The following SYBU variants were observed in gnomAD, a reference collection of about 807,000 sequenced individuals.
The protein encoded by SYBU is GOLSYN A protein.
In SYBU, 21 loss-of-function variants were observed where a neutral mutation model predicts 35.9. The ratio of observed to expected loss-of-function variants is 0.58; its 90% CI spans 0.41 to 0.84. SYBU has a LOEUF of 0.84. Ranked by LOEUF, SYBU falls within the 40% of genes least tolerant of loss-of-function variation. The pLI, the probability that SYBU is intolerant of heterozygous loss-of-function variation, is 0.00. For missense variants in SYBU, 768 were observed against 848.2 expected (o/e 0.91, Z 1.17); for synonymous variants, 319 against 324.3 (o/e 0.98, Z 0.18).
chr8:109,582,226 A>G (rs1823115426), intron 4 of SYBU, among the ~76,000 whole-genome samples: 1 of 152,222 alleles, frequency 6.6e-6, no homozygotes, highest in African/African-American at 2.4e-5. Context: ...CTTTCTGAAT[A>G]TTGATCAGGA....
At chr8:109,640,405 C>T (rs1244842861) in intron 2 of SYBU, among the ~76,000 whole-genome samples, 1 of 152,014 alleles carries the variant, frequency 6.6e-6, no homozygotes, top group African/African-American at 2.4e-5. Context: ...TAACACTACT[C>T]ACCCTGAAAT....
chr8:109,632,240 C>G lies in SYBU; in HGVS notation c.229+10488G>C, dbSNP rs188194462. ...AATTTTAGTAAAGTCGGGGTTTTGT[C>G]CTGTTGGCCAGGCTGGTCTCGAACT... On this transcript the variant is annotated intron_variant, in intron 2 of 6. Transcript: ENST00000276646. Among the ~76,000 whole-genome samples, 171 of 152,244 alleles carry G rather than the reference C, an allele frequency of 1.1e-3. 2 individuals are homozygous for G. In the East Asian group the frequency reaches 0.03, roughly 27 times the overall value.
intron 2 of SYBU, among the ~76,000 whole-genome samples, chr8:109,624,551 G>A (rs1463439171): frequency 6.6e-6 from 1 of 152,202 alleles, no homozygotes; most frequent in Non-Finnish European, 1.5e-5. Context: ...AGAGTTTACA[G>A]TGGAGGGATC....
chr8:109,655,161 G>A (rs1816303709), intron 1 of SYBU, among the ~76,000 whole-genome samples: 1 of 152,140 alleles, frequency 6.6e-6, no homozygotes, highest in African/African-American at 2.4e-5. Context: ...GTTCACAAAT[G>A]TTCCCTCTAC....
At chr8:109,582,188 T>C (rs1554610393) in intron 4 of SYBU, among the ~76,000 whole-genome samples, 2 of 152,228 alleles carry the variant, frequency 1.3e-5, no homozygotes. Flanking sequence ...ACTGAGGACC[T>C]TCTGTGACCC....
At chr8:109,653,234 G>A (rs1816221356) in intron 1 of SYBU, among the ~76,000 whole-genome samples, 1 of 146,622 alleles carries the variant, frequency 6.8e-6, no homozygotes, top group South Asian at 2.1e-4. Context: ...GCAGTTTTAG[G>A]TTTACAAAAA....
intron 1 of SYBU, among the ~76,000 whole-genome samples, chr8:109,669,646 T>G (rs1816904103): frequency 6.6e-6 from 1 of 152,182 alleles, no homozygotes. Context: ...TTTCCCCACG[T>G]CTCTTCTCCA....
chr8:109,647,203 T>A (rs747830005), upstream of SYBU: 2 of 152,240 alleles, frequency 1.3e-5, no homozygotes, highest in Non-Finnish European at 2.9e-5. Flanking sequence ...TCCTCTCTTT[T>A]GTAGATACTC....
In SYBU at chr8:109,618,988, G is replaced by C; in HGVS notation, c.281C>G (p.Ser94Ter). 2 of 1,614,154 alleles carry C rather than the reference G, an allele frequency of 1.2e-6. No homozygotes were observed. The highest frequency in any genetic ancestry group is 1.7e-6 in the Non-Finnish European group (2 of 1,180,000). The change falls in exon 3 of 7, where the codon TCA (serine) becomes TGA (stop). Residue 94 changes from serine to a stop codon, truncating the protein, a stop_gained. Coordinates refer to ENST00000276646, the MANE Select transcript of SYBU (RefSeq NM_001099754.2). LOFTEE classifies it high-confidence loss of function. ...SQSVSPVKTPSDAGNSPIGFC... is the reference protein window; with the variant it reads ...SQSVSPVKTP ...GCCAATGGGGCTGTTTCCAGCATCT[G>C]AGGGTGTCTTCACAGGAGACACTGA...
At chr8:109,685,656 TA>T (rs1009248030), upstream of SYBU, among the ~76,000 whole-genome samples, 1 of 152,236 alleles carries the variant, frequency 6.6e-6, no homozygotes, top group Admixed American at 6.5e-5. Context: ...AAATTCTTCA[TA>T]ATTCTCACAA....
chr8:109,669,017 G>C (rs1200414221), intron 1 of SYBU, among the ~76,000 whole-genome samples: 2 of 152,150 alleles, frequency 1.3e-5, no homozygotes, highest in East Asian at 3.8e-4. Context: ...TGAAAATTTA[G>C]GTTTATTTCT....
chr8:109,594,894 A>T (rs2129918795), intron 3 of SYBU, among the ~76,000 whole-genome samples: 1 of 152,296 alleles, frequency 6.6e-6, no homozygotes, highest in South Asian at 2.1e-4. Context: ...TTTTAAAAAT[A>T]ATATGGTTTA....
chr8:109,576,019 G>C lies in SYBU; in HGVS notation c.885-6C>G. 1 of 1,084,240 alleles carries C rather than the reference G, an allele frequency of 9.2e-7. No individual in the cohort carries two copies. The highest frequency in any genetic ancestry group is 1.3e-6 in the Non-Finnish European group (1 of 758,326). 67.2% of individuals were successfully genotyped at this position (1,084,240 alleles called of 1,614,324 possible). On this transcript the variant is annotated splice_region_variant and splice_polypyrimidine_tract_variant and intron_variant, in intron 6 of 6. Transcript: ENST00000276646. ...GCTCCACGATTTCACTTTCCCTAGAGTGCCAAGACAAGCATGGTTAATTAA... is the reference window on the plus strand; with the variant it reads ...GCTCCACGATTTCACTTTCCCTAGACTGCCAAGACAAGCATGGTTAATTAA...
chr8:109,688,996 G>C (rs1408751649), intron 1 of SYBU, among the ~76,000 whole-genome samples: 4 of 151,950 alleles, frequency 2.6e-5, no homozygotes. Context: ...GTTATATGCA[G>C]GTGTTAGTTT....
chr8:109,670,053 T>C (rs1447560201), intron 1 of SYBU, among the ~76,000 whole-genome samples: 4 of 152,194 alleles, frequency 2.6e-5, no homozygotes. Context: ...ACTTCTGTTT[T>C]ATTATTCTGT....
At chr8:109,582,012 G>A (rs1434742929) in intron 4 of SYBU, among the ~76,000 whole-genome samples, 2 of 152,116 alleles carry the variant, frequency 1.3e-5, no homozygotes, top group South Asian at 2.1e-4. Flanking sequence ...CATGTACCCT[G>A]GTGTGCATTT....
chr8:109,597,992 C>G (rs977842032), intron 3 of SYBU, among the ~76,000 whole-genome samples: 7 of 152,132 alleles, frequency 4.6e-5, no homozygotes, highest in Non-Finnish European at 1.0e-4. Flanking sequence ...GTCACTGTTT[C>G]AGAAGAATGA....
chr8:109,677,028 G>T (rs895321968), intron 1 of SYBU, among the ~76,000 whole-genome samples: 1 of 149,122 alleles, frequency 6.7e-6, no homozygotes, highest in Admixed American at 6.7e-5. Context: ...GTCTTTCAGG[G>T]TGTTCATGTG....
intron 1 of SYBU, among the ~76,000 whole-genome samples, chr8:109,674,411 C>T (rs959349524): frequency 1.3e-5 from 2 of 152,116 alleles, no homozygotes; most frequent in African/African-American, 2.4e-5. Flanking sequence ...TTTTTCAACC[C>T]AGAATTTCAT....
Sources: allele counts gnomAD v4.1 joint callset (sites outside exome capture counted in the v4.1 genomes callset), GRCh38; gene constraint gnomAD v4.1.1; transcripts MANE v1.5; gene names NCBI Gene and HGNC (gene_info 2026-07-23, HGNC 2026-07-21).